FARP2: variants seen among roughly 807,000 people sequenced by gnomAD.
FARP2 encodes the protein FERM, ARH/RhoGEF and pleckstrin domain protein 2.
A neutral mutation model predicts 130.5 loss-of-function variants in FARP2; 111 were observed. The ratio of observed to expected loss-of-function variants is 0.85; its 90% confidence interval spans 0.73 to 1.00. FARP2 has a LOEUF of 1.00. Ranked by LOEUF, FARP2 falls within the 50% of genes least tolerant of loss-of-function variation. The pLI is 0.00. For synonymous variants in FARP2, 504 were observed against 516.9 expected (o/e 0.98, Z 0.34); for missense variants, 1,385 against 1,346.3 (o/e 1.03, Z -0.45).
chr2:241,370,553 TAAG>T (rs771721532), intron 1 of FARP2, among the ~76,000 whole-genome samples: 2 of 151,818 alleles, frequency 1.3e-5, no homozygotes, highest in African/African-American at 2.4e-5. Context: ...AATTAAAAAA[TAAG>T]AAAAAAAATC....
chr2:241,367,427 A>G (rs1312210736), intron 1 of FARP2, among the ~76,000 whole-genome samples: 2 of 152,160 alleles, frequency 1.3e-5, no homozygotes, highest in Non-Finnish European at 2.9e-5. Flanking sequence ...TCTAAAAGTT[A>G]CTAATGCTTA....
intron 19 of FARP2, chr2:241,478,850 G>T: frequency 2.6e-6 from 1 of 386,734 alleles, no homozygotes; most frequent in South Asian, 2.2e-5. Context: ...GGTCAGCAAT[G>T]GCTCTTCTTA....
chr2:241,468,036 T>C, intron 17 of FARP2, 104 bp from the exon 18 acceptor site: 1 of 817,108 alleles, frequency 1.2e-6, no homozygotes, highest in Admixed American at 1.8e-5. Context: ...CCATTTGCCC[T>C]GTGGGGATTT....
At chr2:241,433,847 A>G (rs2063150749) in intron 9 of FARP2, among the ~76,000 whole-genome samples, 1 of 152,106 alleles carries the variant, frequency 6.6e-6, no homozygotes, top group Non-Finnish European at 1.5e-5. Context: ...CCAACATGGC[A>G]AAACCCTTTT....
At chr2:241,492,030 C>T (rs76762802) in intron 24 of FARP2, among the ~76,000 whole-genome samples, 5,094 of 152,224 alleles carry the variant, frequency 0.033, 511 homozygotes, top group Admixed American at 0.19. Flanking sequence ...GCTTGGAGCT[C>T]GAGGCTCTGC....
intron 2 of FARP2, among the ~76,000 whole-genome samples, chr2:241,402,855 T>TATAC (rs2062213410): frequency 8.7e-5 from 1 of 11,488 alleles, no homozygotes; most frequent in African/African-American, 3.1e-4. Flanking sequence ...TATATATATA[T>TATAC]ATATATATAT....
chr2:241,375,893 G>C (rs897753937), intron 2 of FARP2, among the ~76,000 whole-genome samples: 1 of 152,038 alleles, frequency 6.6e-6, no homozygotes, highest in Non-Finnish European at 1.5e-5. Context: ...GTGCCAGCTT[G>C]GGGTATTTTT....
At chr2:241,481,500 A>G (rs2064614164) in intron 19 of FARP2, among the ~76,000 whole-genome samples, 1 of 152,216 alleles carries the variant, frequency 6.6e-6, no homozygotes, top group South Asian at 2.1e-4. Context: ...AGCTTGGAGA[A>G]ATGAATTAGC....
intron 21 of FARP2, chr2:241,488,374 C>T (rs1156272242): frequency 6.7e-6 from 1 of 148,660 alleles, no homozygotes. Flanking sequence ...TCAGTTTTCT[C>T]ATTTAATTAA....
chr2:241,449,188 G>A (rs1206296841), intron 13 of FARP2, among the ~76,000 whole-genome samples: 1 of 151,928 alleles, frequency 6.6e-6, no homozygotes, highest in Non-Finnish European at 1.5e-5. Flanking sequence ...GGCCGGGCGC[G>A]GTGGCTCACG....
chr2:241,365,991 A>G (rs1282311048), intron 1 of FARP2, among the ~76,000 whole-genome samples: 2 of 143,908 alleles, frequency 1.4e-5, no homozygotes, highest in African/African-American at 2.6e-5. Flanking sequence ...TTTTTTTAAT[A>G]TAAACAAATA....
intron 10 of FARP2, 64 bp downstream of exon 10, chr2:241,434,385 A>G (rs1202373891): frequency 1.7e-6 from 2 of 1,199,034 alleles, no homozygotes; most frequent in African/African-American, 3.1e-5. Context: ...AAAATAGGTA[A>G]TTCCTAGTCA....
intron 2 of FARP2, chr2:241,387,372 C>G (rs1035301920): frequency 7.2e-5 from 11 of 152,110 alleles, no homozygotes; most frequent in African/African-American, 2.2e-4. Flanking sequence ...ATACCTGTCT[C>G]TCTTTTAAAA....
chr2:241,478,642 G>A (rs2064536083), intron 19 of FARP2: 6 of 501,094 alleles, frequency 1.2e-5, no homozygotes, highest in South Asian at 9.2e-5. Flanking sequence ...AAGACCTTGT[G>A]GAGGAAGGAG....
At chr2:241,394,601 A>G (rs1005821615) in intron 2 of FARP2, among the ~76,000 whole-genome samples, 1 of 152,166 alleles carries the variant, frequency 6.6e-6, no homozygotes, top group African/African-American at 2.4e-5. Flanking sequence ...CCTACTGTCC[A>G]GGTCGTAAGG....
At chr2:241,401,268 C>CATATTGTTTATTAATAATAAACATTA (rs2062160239) in intron 2 of FARP2, among the ~76,000 whole-genome samples, 3 of 152,170 alleles carry the variant, frequency 2.0e-5, no homozygotes, top group African/African-American at 7.2e-5. Flanking sequence ...CCAGTTTGCA[C>CATATTGTTTATTAATAATAAACATTA]ATATTGTTTA....
intron 21 of FARP2, among the ~76,000 whole-genome samples, chr2:241,484,584 C>A (rs934171841): frequency 6.6e-6 from 1 of 152,232 alleles, no homozygotes; most frequent in African/African-American, 2.4e-5. Flanking sequence ...AACCTGGACT[C>A]AGCCTGTGGT....
intron 2 of FARP2, among the ~76,000 whole-genome samples, chr2:241,398,157 T>A (rs1055530964): frequency 1.3e-5 from 2 of 152,174 alleles, no homozygotes; most frequent in Non-Finnish European, 2.9e-5. Context: ...TACATTCTTA[T>A]TGAAATATAA....
Position 241,428,009 on chromosome 2 carries a change from G to A in FARP2, c.772-3670G>A, listed in dbSNP as rs189952811. 7.6e-3 allele frequency among the ~76,000 whole-genome samples: 1,158 copies of A among 152,022 alleles called. 13 individuals carry two copies. Among genetic ancestry groups the A allele is most frequent in the African/African-American group, 0.02 (826 of 41,472 alleles). On this transcript the variant is annotated intron_variant, in intron 8 of 26. Transcript: ENST00000264042. ...TCTCGATCTCCTGACCTCGTGATCC[G>A]CCCGCCTTGGCCTCCCAAAGTGCTG...
Sources: gnomAD v4.1 joint callset for allele counts (sites outside exome capture counted in the v4.1 genomes callset) on GRCh38, gnomAD v4.1.1 for gene constraint, MANE v1.5 for transcripts, NCBI Gene and HGNC (gene_info 2026-07-23, HGNC 2026-07-21) for gene names.